Variants in PLCB4 observed in about 807,000 individuals in gnomAD.
PLCB4 encodes the protein 1-phosphatidylinositol 4,5-bisphosphate phosphodiesterase beta-4.
PLCB4 carries 77 observed loss-of-function variants against 178.8 expected under a neutral mutation model. The observed-to-expected ratio is 0.43, with a 90% CI of 0.36 to 0.52. The LOEUF (loss-of-function observed/expected upper bound fraction) is 0.52, where lower values mean the gene tolerates loss of function less well. Ranked by LOEUF, PLCB4 falls within the 20% of genes least tolerant of loss-of-function variation. PLCB4 has a pLI of 0.00. For synonymous variants in PLCB4, 496 were observed against 490.8 expected (o/e 1.01, Z -0.14); for missense variants, 1,024 against 1,453.4 (o/e 0.70, Z 4.80).
rs1374218776 is a variant in PLCB4 at position 9,385,910 on chromosome 20, A to G, written c.1064+1499A>G. On this transcript the variant is annotated intron_variant, in intron 14 of 39. Coordinates refer to ENST00000378473, the MANE Select transcript of PLCB4 (RefSeq NM_001377142.1). ...TCGGGAGGCCAAGGCAGGCGGCTGGAAGGTGGAGGTTGTGGCGAGCCGAGA... is the reference window on the plus strand; with the variant it reads ...TCGGGAGGCCAAGGCAGGCGGCTGGGAGGTGGAGGTTGTGGCGAGCCGAGA... Among the ~76,000 whole-genome samples, 8 of 152,322 alleles carry G rather than the reference A, an allele frequency of 5.3e-5. No homozygotes were observed. The East Asian group carries it at 1.5e-3, about 29-fold the overall frequency.
intron 4 of PLCB4, among the ~76,000 whole-genome samples, chr20:9,327,637 G>A (rs1466310920): frequency 1.3e-5 from 2 of 150,968 alleles, no homozygotes; most frequent in South Asian, 2.1e-4. Context: ...TTAGCCAGAC[G>A]TGGTGGTGGG....
chr20:9,079,054 A>G (rs2090018777), intron 1 of PLCB4, among the ~76,000 whole-genome samples: 1 of 152,216 alleles, frequency 6.6e-6, no homozygotes, highest in South Asian at 2.1e-4. Flanking sequence ...ATGGTGGGAC[A>G]GTCATATTTC....
intron 2 of PLCB4, among the ~76,000 whole-genome samples, chr20:9,210,990 A>G (rs6039418): frequency 1.2e-4 from 18 of 152,346 alleles, no homozygotes; most frequent in African/African-American, 4.3e-4. Flanking sequence ...ATATGACTGC[A>G]TTGGTGAAAC....
chr20:9,288,770 C>T (rs1237187051), intron 3 of PLCB4, among the ~76,000 whole-genome samples: 2 of 151,912 alleles, frequency 1.3e-5, no homozygotes, highest in Non-Finnish European at 2.9e-5. Context: ...TCAGGATCAA[C>T]ATAAGAACAT....
chr20:9,392,927 TG>T (rs2038265555), intron 17 of PLCB4, among the ~76,000 whole-genome samples: 1 of 151,076 alleles, frequency 6.6e-6, no homozygotes, highest in Admixed American at 6.6e-5. Flanking sequence ...TATAGAGAGA[TG>T]GGTGGAGGAA....
chr20:9,268,736 C>T (rs1165831587), intron 3 of PLCB4, among the ~76,000 whole-genome samples: 1 of 152,220 alleles, frequency 6.6e-6, no homozygotes, highest in Non-Finnish European at 1.5e-5. Context: ...CATCCACAAC[C>T]ATGAGCAACC....
intron 3 of PLCB4, among the ~76,000 whole-genome samples, chr20:9,244,598 C>G (rs1196935685): frequency 6.6e-6 from 1 of 152,134 alleles, no homozygotes; most frequent in African/African-American, 2.4e-5. Context: ...AAATCCCAAT[C>G]CCCTGTTAGA....
intron 32 of PLCB4, 78 bp from the exon 33 acceptor site, chr20:9,453,269 G>C (rs1281592326): frequency 1.2e-6 from 1 of 802,118 alleles, no homozygotes. Context: ...TAGGGAAGCT[G>C]GTGAAAGTTA....
At chr20:9,160,463 G>A (rs569203408) in intron 2 of PLCB4, among the ~76,000 whole-genome samples, 1 of 152,226 alleles carries the variant, frequency 6.6e-6, no homozygotes, top group Non-Finnish European at 1.5e-5. Context: ...GTTAAATTGG[G>A]CAGCTGATGT....
At chr20:9,316,468 G>A (rs1394295917) in intron 4 of PLCB4, among the ~76,000 whole-genome samples, 5 of 152,194 alleles carry the variant, frequency 3.3e-5, no homozygotes, top group African/African-American at 1.2e-4. Flanking sequence ...TGATTCGTAG[G>A]CGGGGGCCAA....
At chr20:9,259,970 C>G (rs1416145842) in intron 3 of PLCB4, among the ~76,000 whole-genome samples, 1 of 151,978 alleles carries the variant, frequency 6.6e-6, no homozygotes, top group African/African-American at 2.4e-5. Context: ...ACAAATGTGA[C>G]TTACACTATA....
chr20:9,112,314 G>T (rs2091610034), intron 2 of PLCB4, among the ~76,000 whole-genome samples: 1 of 150,060 alleles, frequency 6.7e-6, no homozygotes, highest in Admixed American at 6.6e-5. Context: ...GCAGTACAGT[G>T]GATGATCTCA....
intron 2 of PLCB4, among the ~76,000 whole-genome samples, chr20:9,146,169 A>G (rs2092595184): frequency 6.6e-6 from 1 of 152,108 alleles, no homozygotes; most frequent in East Asian, 1.9e-4. Flanking sequence ...TGCCCCAGCC[A>G]GCATCAAAAC....
At chr20:9,116,481 C>T (rs2091782642) in intron 2 of PLCB4, among the ~76,000 whole-genome samples, 1 of 152,042 alleles carries the variant, frequency 6.6e-6, no homozygotes, top group Non-Finnish European at 1.5e-5. Flanking sequence ...TTAGTTTTGC[C>T]TCACCTATCC....
chr20:9,306,070 T>C (rs2094762048), intron 3 of PLCB4, among the ~76,000 whole-genome samples: 1 of 152,174 alleles, frequency 6.6e-6, no homozygotes, highest in African/African-American at 2.4e-5. Context: ...TGTTACTTTA[T>C]TTCCATCCCT....
In PLCB4 at chr20:9,423,609, G is replaced by T. The variant is rs1045013296; in HGVS notation, c.2320-139G>T. 6.1e-6 allele frequency: 4 copies of T among 659,476 alleles called. No homozygotes were observed. In the Admixed American group the frequency reaches 7.2e-5, roughly 12 times the overall value. 40.9% of individuals were successfully genotyped at this position (659,476 alleles called of 1,614,324 possible). A position where few individuals can be genotyped will look rare whatever the true frequency, so the allele number is the denominator to read the frequency against. ...CTGTAGCTCATGCAGTACATTTTGG[G>T]GAATGCAGATGGATCATGGACTTAC... On this transcript the variant is annotated intron_variant, in intron 27 of 39. Coordinates refer to ENST00000378473, the MANE Select transcript of PLCB4 (RefSeq NM_001377142.1).
intron 2 of PLCB4, among the ~76,000 whole-genome samples, chr20:9,206,299 C>CTTTTTTTTTTTT (rs71184138): frequency 1.5e-4 from 14 of 96,118 alleles, no homozygotes; most frequent in Non-Finnish European, 2.5e-4. Context: ...TTTCTTTTTT[C>CTTTTTTTTTTTT]TTTTTTTTTT....
chr20:9,168,679 T>G (rs908098853), intron 2 of PLCB4, among the ~76,000 whole-genome samples: 9 of 152,108 alleles, frequency 5.9e-5, no homozygotes, highest in African/African-American at 2.2e-4. Context: ...CAGGTCATTG[T>G]TTTTCACTTA....
chr20:9,152,267 A>C (rs1220761085), intron 2 of PLCB4, among the ~76,000 whole-genome samples: 1 of 152,204 alleles, frequency 6.6e-6, no homozygotes, highest in Non-Finnish European at 1.5e-5. Flanking sequence ...GCCTAATGTT[A>C]ATCCCCAAGA....
Sources: allele counts gnomAD v4.1 joint callset (sites outside exome capture counted in the v4.1 genomes callset), GRCh38; gene constraint gnomAD v4.1.1; transcripts MANE v1.5; gene names NCBI Gene and HGNC (gene_info 2026-07-23, HGNC 2026-07-21).